Variants in LMTK2 observed in about 807,000 individuals in gnomAD.
The protein encoded by LMTK2 is serine/threonine-protein kinase LMTK2.
Under a neutral mutation model 127.5 loss-of-function variants are expected in LMTK2, and 37 were observed. The observed-to-expected ratio is 0.29, with a 90% CI of 0.22 to 0.38. LMTK2 has a LOEUF of 0.38. Ranked by LOEUF, LMTK2 falls within the 10% of genes least tolerant of loss-of-function variation. LMTK2 has a pLI of 1.00. For synonymous variants in LMTK2, 819 were observed against 810.1 expected, an observed-to-expected ratio of 1.01 and a Z score of -0.19; for missense variants, 1,694 against 1,920.3, an observed-to-expected ratio of 0.88 and a Z score of 2.20.
At position 98,207,074 on chromosome 7, in the gene LMTK2, C is replaced by G. The variant is rs941237013; in HGVS notation, c.*1582C>G. 1 of 152,302 alleles carries G rather than the reference C, an allele frequency of 6.6e-6. No individual in the cohort carries two copies. The highest frequency in any genetic ancestry group is 1.5e-5 in the Non-Finnish European group (1 of 68,142). The allele number at this position is 152,302 out of a possible 1,614,324, so 9.4% of individuals were successfully genotyped here. On this transcript the variant is annotated 3_prime_UTR_variant, in exon 14 of 14. Transcript: ENST00000297293. ...CACACCTCCCTCCCTGAGTTCTGCTCTGACATAAGGAAGTCCTCGGTGGCT... is the reference window on the plus strand; with the variant it reads ...CACACCTCCCTCCCTGAGTTCTGCTGTGACATAAGGAAGTCCTCGGTGGCT...
At chr7:98,132,659 T>C (rs1584253159) in intron 1 of LMTK2, among the ~76,000 whole-genome samples, 2 of 152,284 alleles carry the variant, frequency 1.3e-5, no homozygotes, top group Non-Finnish European at 2.9e-5. Flanking sequence ...AGGAAATTTC[T>C]CTTTATAAAA....
intron 7 of LMTK2, among the ~76,000 whole-genome samples, chr7:98,174,667 G>A (rs941295430): frequency 3.3e-5 from 5 of 152,210 alleles, no homozygotes; most frequent in Non-Finnish European, 5.9e-5. Context: ...GTAGCCTTGC[G>A]GAGTACCTGG....
intron 4 of LMTK2, among the ~76,000 whole-genome samples, chr7:98,152,485 A>T (rs917099967): frequency 1.3e-5 from 2 of 152,218 alleles, no homozygotes; most frequent in African/African-American, 4.8e-5. Context: ...GTTACGTAGC[A>T]GCCATTGTTC....
At chr7:98,142,684 A>G (rs1241426862) in intron 3 of LMTK2, among the ~76,000 whole-genome samples, 1 of 152,250 alleles carries the variant, frequency 6.6e-6, no homozygotes, top group East Asian at 1.9e-4. Flanking sequence ...ATTCCAAATT[A>G]GATCAGCCTA....
Position 98,140,313 on chromosome 7 carries a change from A to AT in LMTK2, c.232-1077dup, listed in dbSNP as rs1182615392. On this transcript the variant is annotated intron_variant, in intron 2 of 13. Transcript: ENST00000297293. ...AGTCCTGCGCCACCATGCCTGACTA[A>AT]TTTTTTTAAATCATTATTTGTAGAA... is the stretch of plus-strand genomic sequence containing the variant. 2.6e-5 allele frequency among the ~76,000 whole-genome samples: 4 copies of AT among 151,292 alleles called. No homozygotes were observed. In the East Asian group the frequency reaches 5.8e-4, roughly 22 times the overall value.
chr7:98,108,267 C>G (rs566104910), intron 1 of LMTK2, among the ~76,000 whole-genome samples: 3 of 152,236 alleles, frequency 2.0e-5, no homozygotes, highest in African/African-American at 7.2e-5. Context: ...AAAGCCAGGT[C>G]TTAGATACCC....
rs376844550 is a variant in LMTK2, at chr7:98,204,176, C to G, written c.4473C>G (p.Ile1491Met). 23 of 1,605,990 alleles carry G rather than the reference C, an allele frequency of 1.4e-5. No individual in the cohort carries two copies. Among genetic ancestry groups the G allele is most frequent in the Admixed American group, 8.3e-5 (5 of 59,984 alleles). Residue 1491 changes from isoleucine (I) to methionine (M), a missense_variant, in exon 13 of 14, where the codon ATC becomes ATG. Around this residue, in one of 8 missense-constraint regions of LMTK2, gnomAD observed 554 missense variants for 567.7 expected, o/e 0.98. Coordinates refer to ENST00000297293, the MANE Select transcript of LMTK2 (RefSeq NM_014916.4). Reference sequence around the variant, plus strand: ...TCACACACCTGACCGACTCGGACATCGAGCAGGGCGGTGAGAGGCGCTGCG... The same window carrying G: ...TCACACACCTGACCGACTCGGACATGGAGCAGGGCGGTGAGAGGCGCTGCG... ...FSLTHLTDSD[I>M]EQGGSSEDGE...
chr7:98,127,923 A>G (rs1462096393), intron 1 of LMTK2, among the ~76,000 whole-genome samples: 1 of 152,208 alleles, frequency 6.6e-6, no homozygotes, highest in Non-Finnish European at 1.5e-5. Context: ...TGGGTGGATC[A>G]CCTAAGATCA....
intron 11 of LMTK2, among the ~76,000 whole-genome samples, chr7:98,196,419 A>G (rs576058511): frequency 1.8e-4 from 27 of 152,278 alleles, no homozygotes; most frequent in African/African-American, 5.8e-4. Context: ...TTTTGTTTTC[A>G]ATGCATCCAC....
chr7:98,140,055 C>A (rs573139813), intron 2 of LMTK2, among the ~76,000 whole-genome samples: 1 of 151,906 alleles, frequency 6.6e-6, no homozygotes, highest in Non-Finnish European at 1.5e-5. Context: ...TCCCACCGAA[C>A]GTCACGTAAA....
At chr7:98,149,600 C>T (rs1405232555) in intron 3 of LMTK2, among the ~76,000 whole-genome samples, 1 of 152,138 alleles carries the variant, frequency 6.6e-6, no homozygotes, top group Non-Finnish European at 1.5e-5. Flanking sequence ...CCATACCTTG[C>T]ACCATATGTA....
intron 1 of LMTK2, among the ~76,000 whole-genome samples, chr7:98,120,466 AT>A (rs1796344995): frequency 6.6e-6 from 1 of 152,234 alleles, no homozygotes; most frequent in East Asian, 1.9e-4. Context: ...CATTTAAAAT[AT>A]CTGTTTTAAC....
intron 5 of LMTK2, among the ~76,000 whole-genome samples, chr7:98,158,348 C>T (rs549021965): frequency 1.3e-5 from 2 of 152,152 alleles, no homozygotes; most frequent in African/African-American, 4.8e-5. Context: ...AGTCATGGCT[C>T]ACTGCAGCCT....
At chr7:98,144,610 A>G (rs893038362) in intron 3 of LMTK2, among the ~76,000 whole-genome samples, 2 of 151,832 alleles carry the variant, frequency 1.3e-5, no homozygotes, top group African/African-American at 2.4e-5. Flanking sequence ...TCCCATTCAC[A>G]TTTACTTTTA....
intron 6 of LMTK2, among the ~76,000 whole-genome samples, chr7:98,169,149 G>A (rs1226751761): frequency 6.6e-6 from 1 of 152,082 alleles, no homozygotes; most frequent in Non-Finnish European, 1.5e-5. Context: ...AACTAACCCT[G>A]GATCCTACAC....
At chr7:98,189,500 A>G (rs1379634813) in intron 9 of LMTK2, among the ~76,000 whole-genome samples, 3 of 152,184 alleles carry the variant, frequency 2.0e-5, no homozygotes, top group Non-Finnish European at 4.4e-5. Context: ...TGAGTTTTCT[A>G]GGCCACACCT....
chr7:98,166,287 T>C (rs1392488115), intron 6 of LMTK2, among the ~76,000 whole-genome samples: 1 of 152,240 alleles, frequency 6.6e-6, no homozygotes, highest in Non-Finnish European at 1.5e-5. Flanking sequence ...CACCTGTAGC[T>C]GGAGCGCTGG....
rs1469116494 is a variant in LMTK2, at chr7:98,206,174, A to G, written c.*682A>G. On this transcript the variant is annotated 3_prime_UTR_variant, in exon 14 of 14. Transcript: ENST00000297293. ...GGATTGTTGGGATTGTACATATGGT[A>G]CTCTTTCATAAATGATAAATGATTC... is the stretch of plus-strand genomic sequence containing the variant. 1 of 152,194 alleles carries G rather than the reference A, an allele frequency of 6.6e-6. No individual in the cohort carries two copies. The highest frequency in any genetic ancestry group is 1.5e-5 in the Non-Finnish European group (1 of 68,034). 9.4% of individuals were successfully genotyped at this position (152,194 alleles called of 1,614,324 possible). A position where few individuals can be genotyped will look rare whatever the true frequency, so the allele number is the denominator to read the frequency against.
intron 5 of LMTK2, among the ~76,000 whole-genome samples, chr7:98,158,892 T>TA (rs1395126862): frequency 6.6e-6 from 1 of 152,138 alleles, no homozygotes. Flanking sequence ...CTTAAATTAC[T>TA]AAAGATAAAA....
Sources: gnomAD v4.1 joint callset for allele counts (sites outside exome capture counted in the v4.1 genomes callset) on GRCh38, gnomAD v4.1.1 for gene constraint, gnomAD v4.1.1 regional missense constraint, MANE v1.5 for transcripts, NCBI Gene and HGNC (gene_info 2026-07-23, HGNC 2026-07-21) for gene names.